The following ZCCHC14 variants were observed in gnomAD, a reference collection of about 807,000 sequenced individuals.
ZCCHC14 encodes zinc finger CCHC-type containing 14.
A neutral mutation model predicts 85.0 loss-of-function variants in ZCCHC14; 16 were observed. The observed-to-expected ratio is 0.19, with a 90% confidence interval of 0.13 to 0.29. ZCCHC14 has a LOEUF of 0.29. Among genes scored for constraint, ZCCHC14 ranks in the 10% least tolerant of loss-of-function variants. ZCCHC14 has a pLI of 1.00. For missense variants in ZCCHC14, 1,303 were observed against 1,443.5 expected, an observed-to-expected ratio of 0.90 and a Z score of 1.58; for synonymous variants, 775 against 630.7, an observed-to-expected ratio of 1.23 and a Z score of -3.43.
chr16:87,453,561 T>C (rs964861780), intron 2 of ZCCHC14, among the ~76,000 whole-genome samples: 3 of 152,220 alleles, frequency 2.0e-5, no homozygotes, highest in Non-Finnish European at 4.4e-5. Context: ...GCCACACACC[T>C]GGCTGCCCCA....
At chr16:87,481,028 T>C (rs148860080) in intron 1 of ZCCHC14, among the ~76,000 whole-genome samples, 307 of 152,134 alleles carry the variant, frequency 2.0e-3, no homozygotes, top group Non-Finnish European at 3.7e-3. Flanking sequence ...GCAGCATGCA[T>C]TTGACGAGGA....
At chr16:87,463,800 G>A (rs147898827) in intron 1 of ZCCHC14, among the ~76,000 whole-genome samples, 202 of 152,234 alleles carry the variant, frequency 1.3e-3, no homozygotes, top group Admixed American at 4.1e-3. Context: ...ACTCCATCCC[G>A]GGTGACAGAG....
At chr16:87,483,653 C>T (rs1015353820) in intron 1 of ZCCHC14, among the ~76,000 whole-genome samples, 8 of 152,206 alleles carry the variant, frequency 5.3e-5, no homozygotes, top group Admixed American at 1.3e-4. Context: ...CAAGTCTCCA[C>T]CTAACTGTAT....
chr16:87,410,544 C>T (rs1488333638), intron 12 of ZCCHC14, among the ~76,000 whole-genome samples: 1 of 152,202 alleles, frequency 6.6e-6, no homozygotes, highest in Non-Finnish European at 1.5e-5. Flanking sequence ...GGTGAAATGA[C>T]TCAGGAAAAG....
At chr16:87,425,570 C>G (rs1453518779) in intron 3 of ZCCHC14, among the ~76,000 whole-genome samples, 1 of 149,500 alleles carries the variant, frequency 6.7e-6, no homozygotes, top group Non-Finnish European at 1.5e-5. Flanking sequence ...GAGCGAAACT[C>G]TATCAAAAAA....
chr16:87,488,371 G>C (rs1170835454), intron 1 of ZCCHC14, among the ~76,000 whole-genome samples: 2 of 152,198 alleles, frequency 1.3e-5, no homozygotes, highest in Non-Finnish European at 2.9e-5. Context: ...CCACTAGGCA[G>C]AGTACAACTA....
At chr16:87,468,933 C>T (rs568594905) in intron 1 of ZCCHC14, among the ~76,000 whole-genome samples, 4 of 152,322 alleles carry the variant, frequency 2.6e-5, no homozygotes, top group East Asian at 3.9e-4. Flanking sequence ...TACCTGGGAG[C>T]TGGCAAACGA....
In ZCCHC14 at chr16:87,412,749, C is replaced by T. The variant is rs1292813653; in HGVS notation, c.1972G>A (p.Ala658Thr). The change falls in exon 12 of 13, where the codon GCG (alanine) becomes ACG (threonine). Residue 658 changes from alanine (A) to threonine (T), a missense_variant. Ala to Thr is a moderately conservative substitution (Grantham distance 58). Around this residue, in one of 7 missense-constraint regions of ZCCHC14, gnomAD observed 797 missense variants for 730.8 expected, o/e 1.09. Coordinates refer to ENST00000671377, the MANE Select transcript of ZCCHC14 (RefSeq NM_015144.3). Reference protein sequence around the residue: ...NSVHKPERGSADMKLLSSSVH... With the variant: ...NSVHKPERGSTDMKLLSSSVH... ...GAAGACGAGAGGAGCTTCATGTCCG[C>T]GCTCCCTCTTTCCGGCTTGTGCACG... 5.0e-6 allele frequency: 8 copies of T among 1,614,038 alleles called. No individual in the cohort carries two copies. Among genetic ancestry groups the T allele is most frequent in the African/African-American group, 2.7e-5 (2 of 74,916 alleles).
chr16:87,462,016 C>T (rs980279537), intron 1 of ZCCHC14, among the ~76,000 whole-genome samples: 3 of 151,974 alleles, frequency 2.0e-5, no homozygotes, highest in Admixed American at 2.0e-4. Flanking sequence ...GGCTATAATC[C>T]CAGCACTTTG....
intron 1 of ZCCHC14, among the ~76,000 whole-genome samples, chr16:87,484,423 A>G (rs1189394663): frequency 6.6e-6 from 1 of 152,224 alleles, no homozygotes; most frequent in Non-Finnish European, 1.5e-5. Flanking sequence ...TCGAGGCAAA[A>G]GGCAGGTCAC....
chr16:87,487,074 G>A (rs575778639), intron 1 of ZCCHC14, among the ~76,000 whole-genome samples: 1 of 152,156 alleles, frequency 6.6e-6, no homozygotes. Flanking sequence ...AACAGCTTAC[G>A]AAAAGCAACG....
At position 87,491,331 on chromosome 16, in the gene ZCCHC14, G is replaced by A. The variant is rs1447897442; in HGVS notation, c.570+338C>T. Among the ~76,000 whole-genome samples, 1 of 152,144 alleles carries A rather than the reference G, an allele frequency of 6.6e-6. No homozygotes were observed. Among genetic ancestry groups the A allele is most frequent in the Non-Finnish European group, 1.5e-5 (1 of 68,036 alleles). On this transcript the variant is annotated intron_variant, in intron 1 of 12. Transcript: ENST00000671377. The surrounding 1 kb of genome is among the most constrained non-coding windows in gnomAD (Gnocchi z 5.9). Reference sequence around the variant, plus strand: ...GGGTGTGGGCTCAGGGCCGCGGTGCGGTCTTGGGGCTTAAAGTGCAGACTT... The same window carrying A: ...GGGTGTGGGCTCAGGGCCGCGGTGCAGTCTTGGGGCTTAAAGTGCAGACTT...
chr16:87,458,903 GT>G (rs1911113314), intron 2 of ZCCHC14, among the ~76,000 whole-genome samples: 5 of 152,152 alleles, frequency 3.3e-5, no homozygotes. Context: ...CGCCACCCTG[GT>G]CTCTGTCTCC....
intron 1 of ZCCHC14, among the ~76,000 whole-genome samples, chr16:87,483,043 T>TA (rs975619558): frequency 1.3e-5 from 2 of 149,860 alleles, no homozygotes; most frequent in Admixed American, 6.6e-5. Flanking sequence ...ATATAGCATT[T>TA]AAAAAAAAAG....
intron 1 of ZCCHC14, chr16:87,472,625 T>G (rs1021519908): frequency 6.6e-6 from 1 of 152,498 alleles, no homozygotes; most frequent in African/African-American, 2.4e-5. Flanking sequence ...TGACAGGACA[T>G]GGCCACGTGG....
Position 87,412,608 on chromosome 16 carries a change from G to C in ZCCHC14, c.2113C>G (p.Pro705Ala). 3 of 1,614,204 alleles carry C rather than the reference G, an allele frequency of 1.9e-6. No individual in the cohort carries two copies. The highest frequency in any genetic ancestry group is 2.5e-6 in the Non-Finnish European group (3 of 1,180,050). ...AMMDVLPASA[P>A]HQPVQVLSGL... ...GAGAGGACCTGCACAGGCTGGTGGG[G>C]TGCGGACGCGGGCAGCACGTCCATC... The change falls in exon 12 of 13, where the codon CCC (proline) becomes GCC (alanine). Residue 705 changes from proline to alanine, a missense_variant. Coordinates refer to ENST00000671377, the MANE Select transcript of ZCCHC14 (RefSeq NM_015144.3).
intron 5 of ZCCHC14, 120 bp from the exon 6 acceptor site, chr16:87,419,997 G>C (rs1380222706): frequency 4.1e-6 from 3 of 725,936 alleles, no homozygotes; most frequent in Non-Finnish European, 6.5e-6. Context: ...AGCCAGAAGT[G>C]CCAGAGCCTC....
intron 1 of ZCCHC14, among the ~76,000 whole-genome samples, chr16:87,463,862 C>G (rs1911392970): frequency 6.6e-6 from 1 of 152,162 alleles, no homozygotes; most frequent in South Asian, 2.1e-4. Context: ...TTCTGTCACT[C>G]AGGCTGGAAT....
intron 2 of ZCCHC14, among the ~76,000 whole-genome samples, chr16:87,435,080 T>C (rs1194275288): frequency 1.3e-5 from 2 of 151,748 alleles, no homozygotes; most frequent in Admixed American, 1.3e-4. Context: ...ATTAGGATAT[T>C]AAGGACTCTG....
Sources: gnomAD v4.1 joint callset for allele counts (sites outside exome capture counted in the v4.1 genomes callset) on GRCh38, gnomAD v4.1.1 for gene constraint, gnomAD v4.1.1 regional missense constraint, Gnocchi (gnomAD v3.1) non-coding constraint, MANE v1.5 for transcripts, NCBI Gene and HGNC (gene_info 2026-07-23, HGNC 2026-07-21) for gene names.